PDE4D: variants seen among roughly 807,000 people sequenced by gnomAD.
PDE4D encodes the protein 3',5'-cyclic-AMP phosphodiesterase 4D.
PDE4D carries 24 observed loss-of-function variants against 87.4 expected under a neutral mutation model. That is an observed-to-expected ratio of 0.27 (90% confidence interval 0.20 to 0.39). The LOEUF is 0.39. Among genes scored for constraint, PDE4D ranks in the 10% least tolerant of loss-of-function variants. The pLI is 1.00. For synonymous variants in PDE4D, 384 were observed against 383.2 expected (o/e 1.00, Z -0.02); for missense variants, 714 against 1,041.0 (o/e 0.69, Z 4.32).
chr5:60,333,036 A>G (rs976580320), intron 1 of PDE4D, among the ~76,000 whole-genome samples: 1 of 152,196 alleles, frequency 6.6e-6, no homozygotes, highest in African/African-American at 2.4e-5. Context: ...AAGGTCAACC[A>G]GCTGGCTGGT....
intron 1 of PDE4D, among the ~76,000 whole-genome samples, chr5:60,478,451 GA>G (rs1362917264): frequency 6.6e-6 from 1 of 152,002 alleles, no homozygotes; most frequent in Non-Finnish European, 1.5e-5. Context: ...CATCACAGGG[GA>G]CTTCTCATTT....
At chr5:59,775,589 C>T (rs1431581273) in intron 1 of PDE4D, among the ~76,000 whole-genome samples, 1 of 152,186 alleles carries the variant, frequency 6.6e-6, no homozygotes. Context: ...GATTTTCAAA[C>T]TCCCCAAAAT....
At chr5:59,492,586 CT>C (rs1296002002) in intron 1 of PDE4D, among the ~76,000 whole-genome samples, 3 of 152,130 alleles carry the variant, frequency 2.0e-5, no homozygotes, top group Non-Finnish European at 1.5e-5. Context: ...TACCTGGTTT[CT>C]TTTTTACTGC....
chr5:59,506,379 C>CA (rs145416375), intron 1 of PDE4D, among the ~76,000 whole-genome samples: 5,019 of 151,118 alleles, frequency 0.033, 98 homozygotes, highest in African/African-American at 0.046. Flanking sequence ...TAGTCTTTGG[C>CA]AAAAAAAATG....
At chr5:59,614,283 T>C (rs295973) in intron 1 of PDE4D, among the ~76,000 whole-genome samples, 116,293 of 152,136 alleles carry the variant, frequency 0.76, 44,661 homozygotes, top group South Asian at 0.89. Context: ...GGAAGATAAT[T>C]ATATTGGAGT....
chr5:59,536,504 C>CAAAAAAAAAAAAAAAAAAAAAA (rs10586960), intron 1 of PDE4D, among the ~76,000 whole-genome samples: 2 of 56,376 alleles, frequency 3.5e-5, no homozygotes, highest in African/African-American at 9.3e-5. Context: ...GACTCAGCCT[C>CAAAAAAAAAAAAAAAAAAAAAA]AAAAAAAAAA....
At chr5:59,971,384 A>AATAAATAAATAAAAAAG (rs1358629602) in intron 3 of PDE4D, among the ~76,000 whole-genome samples, 1 of 151,858 alleles carries the variant, frequency 6.6e-6, no homozygotes, top group Non-Finnish European at 1.5e-5. Context: ...ATAAATAAAA[A>AATAAATAAATAAAAAAG]AGAGAGAGAG....
chr5:60,484,195 A>AG (rs1219650549), intron 1 of PDE4D, among the ~76,000 whole-genome samples: 1 of 152,006 alleles, frequency 6.6e-6, no homozygotes, highest in East Asian at 1.9e-4. Flanking sequence ...AATTAAAAAA[A>AG]AAAAAAAAAC....
At chr5:58,991,354 A>C (rs1180430742) in intron 8 of PDE4D, among the ~76,000 whole-genome samples, 1 of 152,210 alleles carries the variant, frequency 6.6e-6, no homozygotes, top group African/African-American at 2.4e-5. Flanking sequence ...TGTTTTAAAC[A>C]ATGATTCATT....
At chr5:59,199,881 T>C (rs552441249) in intron 2 of PDE4D, among the ~76,000 whole-genome samples, 91 of 152,052 alleles carry the variant, frequency 6.0e-4, no homozygotes, top group African/African-American at 2.0e-3. Flanking sequence ...CATACATCTA[T>C]ATACACATGT....
intron 2 of PDE4D, among the ~76,000 whole-genome samples, chr5:59,206,516 G>C (rs13155290): frequency 0.28 from 42,032 of 151,956 alleles, 6,061 homozygotes; most frequent in Non-Finnish European, 0.31. Context: ...AGACTGACAA[G>C]CAAAAGTAAA....
intron 2 of PDE4D, among the ~76,000 whole-genome samples, chr5:60,104,660 C>T: frequency 6.6e-6 from 1 of 152,196 alleles, no homozygotes; most frequent in Admixed American, 6.5e-5. Context: ...TCCTCTGAGA[C>T]AAAACTTCCA....
intron 1 of PDE4D, among the ~76,000 whole-genome samples, chr5:59,625,806 C>A (rs921578092): frequency 6.6e-6 from 1 of 152,144 alleles, no homozygotes; most frequent in Non-Finnish European, 1.5e-5. Flanking sequence ...AATGACTGGG[C>A]GCGGTGGCTC....
chr5:60,003,797 A>G (rs1764228650), intron 2 of PDE4D, among the ~76,000 whole-genome samples: 1 of 152,068 alleles, frequency 6.6e-6, no homozygotes, highest in African/African-American at 2.4e-5. Context: ...AAGCTATAGT[A>G]ATCAAAACAG....
At chr5:60,386,214 A>G (rs1197007995) in intron 1 of PDE4D, among the ~76,000 whole-genome samples, 1 of 152,232 alleles carries the variant, frequency 6.6e-6, no homozygotes. Context: ...CTTTAAAAAA[A>G]AATGACTAAT....
chr5:60,218,068 A>G (rs1052725705), intron 1 of PDE4D, among the ~76,000 whole-genome samples: 2 of 152,066 alleles, frequency 1.3e-5, no homozygotes, highest in African/African-American at 4.8e-5. Flanking sequence ...AAAATGAATG[A>G]GTAGATGTAT....
intron 1 of PDE4D, among the ~76,000 whole-genome samples, chr5:59,677,697 T>C (rs1433682735): frequency 6.6e-6 from 1 of 152,188 alleles, no homozygotes; most frequent in South Asian, 2.1e-4. Flanking sequence ...GTTACTATAA[T>C]GATGTTTAGC....
chr5:59,059,186 T>C (rs894712679), intron 5 of PDE4D, among the ~76,000 whole-genome samples: 4 of 152,182 alleles, frequency 2.6e-5, no homozygotes, highest in Non-Finnish European at 5.9e-5. Context: ...TAGGAACATT[T>C]GGCTACATCA....
chr5:59,377,617 T>TA (rs1784954317), intron 1 of PDE4D, among the ~76,000 whole-genome samples: 1 of 152,006 alleles, frequency 6.6e-6, no homozygotes. Context: ...ATAAGGAACT[T>TA]AAACAAATTT....
Sources: gnomAD v4.1 joint callset for allele counts (sites outside exome capture counted in the v4.1 genomes callset) on GRCh38, gnomAD v4.1.1 for gene constraint, MANE v1.5 for transcripts, NCBI Gene and HGNC (gene_info 2026-07-23, HGNC 2026-07-21) for gene names.